Variants in PACRG observed in about 807,000 individuals in gnomAD.
The protein encoded by PACRG is parkin coregulated, also known as parkin coregulated gene protein.
A neutral mutation model predicts 29.7 loss-of-function variants in PACRG; 29 were observed. The observed-to-expected ratio is 0.98, with a 90% confidence interval of 0.73 to 1.33. The LOEUF (loss-of-function observed/expected upper bound fraction) is 1.33, where lower values mean the gene tolerates loss of function less well. PACRG is among the 40% of genes most tolerant of loss of function. The probability of loss-of-function intolerance (pLI) is 0.00; values close to 1 mark genes in which losing one functional copy is unlikely to be tolerated. For synonymous variants in PACRG, 116 were observed against 118.7 expected (o/e 0.98, Z 0.15); for missense variants, 279 against 316.2 (o/e 0.88, Z 0.89).
chr6:162,805,631 G>A (rs1315441956), intron 1 of PACRG, among the ~76,000 whole-genome samples: 5 of 152,100 alleles, frequency 3.3e-5, no homozygotes, highest in Non-Finnish European at 7.4e-5. Flanking sequence ...TTTCAAAATT[G>A]GAGTCAATCT....
At chr6:162,773,761 C>T (rs1481809611) in intron 1 of PACRG, among the ~76,000 whole-genome samples, 27 of 151,954 alleles carry the variant, frequency 1.8e-4, no homozygotes, top group East Asian at 1.9e-4. Context: ...ATGATCCACC[C>T]GCCTCGGCCT....
chr6:162,904,049 G>T (rs73786127), intron 2 of PACRG, among the ~76,000 whole-genome samples: 8,221 of 152,290 alleles, frequency 0.054, 784 homozygotes, highest in African/African-American at 0.19. Flanking sequence ...AGGGCAGACT[G>T]ATAGGCAGGA....
intron 4 of PACRG, among the ~76,000 whole-genome samples, chr6:163,299,604 G>A (rs1054476502): frequency 6.6e-5 from 10 of 152,190 alleles, no homozygotes; most frequent in African/African-American, 1.4e-4. Context: ...AACATAGGCC[G>A]GGCACGGTGC....
At chr6:162,987,113 A>G (rs1340667784) in intron 2 of PACRG, among the ~76,000 whole-genome samples, 1 of 152,038 alleles carries the variant, frequency 6.6e-6, no homozygotes, top group Non-Finnish European at 1.5e-5. Context: ...TATTACCAGA[A>G]TGTCTTTTCT....
intron 1 of PACRG, among the ~76,000 whole-genome samples, chr6:162,734,724 G>A (rs886169700): frequency 1.3e-5 from 2 of 152,152 alleles, no homozygotes; most frequent in African/African-American, 4.8e-5. Flanking sequence ...ACTTATTAAA[G>A]GATAGAGCAA....
At chr6:163,033,914 A>G (rs1156733536) in intron 2 of PACRG, among the ~76,000 whole-genome samples, 1 of 152,198 alleles carries the variant, frequency 6.6e-6, no homozygotes, top group African/African-American at 2.4e-5. Context: ...TTCTATCCCT[A>G]GGGACCCCTC....
intron 2 of PACRG, among the ~76,000 whole-genome samples, chr6:162,931,778 G>A (rs943408587): frequency 1.3e-5 from 2 of 152,002 alleles, no homozygotes. Flanking sequence ...TGAGGATGTA[G>A]AGGAATTGGA....
intron 1 of PACRG, among the ~76,000 whole-genome samples, chr6:162,742,871 A>G (rs1780706274): frequency 6.6e-6 from 1 of 152,084 alleles, no homozygotes; most frequent in South Asian, 2.1e-4. Context: ...ATCTTCTTTG[A>G]ATACAGGTTC....
At chr6:163,113,947 GACAT>G (rs1164742806) in intron 4 of PACRG, among the ~76,000 whole-genome samples, 12 of 152,166 alleles carry the variant, frequency 7.9e-5, no homozygotes, top group Non-Finnish European at 1.5e-4. Flanking sequence ...CATGTTTTTG[GACAT>G]ACATACAGTG....
chr6:163,062,064 G>C, intron 2 of PACRG, 86 bp from the exon 3 acceptor site: 1 of 1,406,968 alleles, frequency 7.1e-7, no homozygotes, highest in African/African-American at 1.4e-5. Flanking sequence ...GTGCCCCTCT[G>C]GAGTGGGTGA....
rs992815338 is a variant in PACRG, at chr6:162,853,095, G to A, written c.291+38814G>A. ...GAGAGATTTCCTTCTTTTGTAAAGC[G>A]GCAGAACTATTGTGAAAGGGGAGTA... On this transcript the variant is annotated intron_variant, in intron 2 of 4. Transcript: ENST00000366888. The surrounding 1 kb of genome is among the most constrained non-coding windows in gnomAD (Gnocchi z 4.7). 1.3e-5 allele frequency among the ~76,000 whole-genome samples: 2 copies of A among 152,172 alleles called. No individual in the cohort carries two copies. The highest frequency in any genetic ancestry group is 1.5e-5 in the Non-Finnish European group (1 of 68,042).
At chr6:162,776,331 C>G (rs1030043420) in intron 1 of PACRG, among the ~76,000 whole-genome samples, 7 of 152,314 alleles carry the variant, frequency 4.6e-5, no homozygotes, top group Non-Finnish European at 1.0e-4. Flanking sequence ...ACATCTTCGA[C>G]TCCCATCTGC....
intron 2 of PACRG, among the ~76,000 whole-genome samples, chr6:162,860,307 G>A (rs763539708): frequency 3.3e-5 from 5 of 152,074 alleles, no homozygotes; most frequent in Non-Finnish European, 5.9e-5. Context: ...AAGTTAAAAG[G>A]CCTCTTCTAG....
At chr6:162,790,640 C>T (rs1163616523) in intron 1 of PACRG, among the ~76,000 whole-genome samples, 1 of 152,098 alleles carries the variant, frequency 6.6e-6, no homozygotes. Context: ...CTGTATATAT[C>T]CCTTTTCCCA....
chr6:163,116,217 A>G (rs1300823335), intron 4 of PACRG, among the ~76,000 whole-genome samples: 1 of 152,188 alleles, frequency 6.6e-6, no homozygotes, highest in East Asian at 1.9e-4. Flanking sequence ...TCGTGGCAAA[A>G]GGCGAAGGAG....
chr6:162,888,860 C>T (rs1341077762), intron 2 of PACRG, among the ~76,000 whole-genome samples: 1 of 152,118 alleles, frequency 6.6e-6, no homozygotes, highest in Non-Finnish European at 1.5e-5. Flanking sequence ...GGCAACCAGA[C>T]CCAGCTGCTG....
chr6:162,891,665 A>G (rs1039124879), intron 2 of PACRG, among the ~76,000 whole-genome samples: 2 of 152,006 alleles, frequency 1.3e-5, no homozygotes, highest in African/African-American at 4.8e-5. Context: ...TGGCCTAGCT[A>G]TTTGGTTTGC....
chr6:163,176,807 T>G (rs1016032815), intron 4 of PACRG, among the ~76,000 whole-genome samples: 34 of 152,132 alleles, frequency 2.2e-4, no homozygotes, highest in African/African-American at 7.7e-4. Flanking sequence ...TCTTTGAACA[T>G]AAACAACAAA....
At chr6:163,205,735 T>C (rs186470058) in intron 4 of PACRG, among the ~76,000 whole-genome samples, 16 of 152,236 alleles carry the variant, frequency 1.1e-4, no homozygotes, top group Admixed American at 3.9e-4. Context: ...CTAAAGAGCT[T>C]CTGCACAGCA....
Sources: gnomAD v4.1 joint callset for allele counts (sites outside exome capture counted in the v4.1 genomes callset) on GRCh38, gnomAD v4.1.1 for gene constraint, Gnocchi (gnomAD v3.1) non-coding constraint, MANE v1.5 for transcripts, NCBI Gene and HGNC (gene_info 2026-07-23, HGNC 2026-07-21) for gene names.